SLC51A: variants seen among roughly 807,000 people sequenced by gnomAD.
SLC51A encodes organic solute transporter subunit alpha.
SLC51A carries 22 observed loss-of-function variants against 34.8 expected under a neutral mutation model. The observed-to-expected ratio is 0.63, with a 90% CI of 0.45 to 0.90. The LOEUF is 0.90. SLC51A is among the 40% of genes least tolerant of loss of function. The pLI, the probability that SLC51A is intolerant of heterozygous loss-of-function variation, is 0.00. For synonymous variants in SLC51A, 181 were observed against 176.3 expected (o/e 1.03, Z -0.21); for missense variants, 371 against 414.8 (o/e 0.89, Z 0.92).
rs1222823712 is a variant in SLC51A at position 196,216,641 on chromosome 3, G to A, written c.-72G>A. ...GGCCCAGGCAAGCCACCCTGCCCCC[G>A]GCCCCCACCTGCCCGCCCCGCCTGC... On this transcript the variant is annotated 5_prime_UTR_variant, in exon 1 of 9. Coordinates refer to ENST00000296327, the MANE Select transcript of SLC51A (RefSeq NM_152672.6). This position sits in a 1 kb window ranked among gnomAD's most constrained non-coding sequence, Gnocchi z 4.5. 1.5e-5 allele frequency: 11 copies of A among 753,794 alleles called. No individual in the cohort carries two copies. Among genetic ancestry groups the A allele is most frequent in the Middle Eastern group, 7.8e-4 (2 of 2,574 alleles). The allele number at this position is 753,794 out of a possible 1,614,324, so 46.7% of individuals were successfully genotyped here.
intron 3 of SLC51A, chr3:196,227,379 C>T (rs1224409898): frequency 3.4e-6 from 2 of 591,620 alleles, no homozygotes; most frequent in Non-Finnish European, 3.0e-6. Context: ...CTCCCCGCTA[C>T]AGTGTTGCCA....
Position 196,227,430 on chromosome 3 carries a change from A to T in SLC51A, c.289-234A>T. The T allele has an allele frequency of 1.5e-5, 9 of 593,430 alleles. 1 individual carries two copies. The South Asian group carries it at 1.8e-4, about 12-fold the overall frequency. 36.8% of individuals were successfully genotyped at this position (593,430 alleles called of 1,614,324 possible). On this transcript the variant is annotated intron_variant, in intron 3 of 8. Coordinates refer to ENST00000296327, the MANE Select transcript of SLC51A (RefSeq NM_152672.6). ...TCAGTGGTTCCTCAGAGTGTGGGGG[A>T]AAGTCTCATTCCACAGGGTCACACT...
rs371941033 is a variant in SLC51A, at chr3:196,228,313, G to A, written c.521+40G>A. ...AGGTGCCTTCCCCAGGAGCCGGGGA[G>A]CCTCTCCTGGACCCCTGGTCCCCTT... On this transcript the variant is annotated intron_variant, in intron 5 of 8. Transcript: ENST00000296327. The surrounding 1 kb of genome is among the most constrained non-coding windows in gnomAD (Gnocchi z 4.9). 6.1e-5 allele frequency: 96 copies of A among 1,585,124 alleles called. No homozygotes were observed. The highest frequency in any genetic ancestry group is 1.2e-4 in the Admixed American group (7 of 58,370).
At position 196,216,623 on chromosome 3, in the gene SLC51A, G is replaced by GC; in HGVS notation, c.-89dup. On this transcript the variant is annotated 5_prime_UTR_variant, in exon 1 of 9. Coordinates refer to ENST00000296327, the MANE Select transcript of SLC51A (RefSeq NM_152672.6). This position sits in a 1 kb window ranked among gnomAD's most constrained non-coding sequence, Gnocchi z 4.5. ...CTGCTTGCCCCCCACCCCGGCCCAG[G>GC]CAAGCCACCCTGCCCCCGGCCCCCA... The GC allele has an allele frequency of 7.2e-7, 1 of 1,380,246 alleles. No individual in the cohort carries two copies. Among genetic ancestry groups the GC allele is most frequent in the Non-Finnish European group, 1.0e-6 (1 of 997,210 alleles). 85.5% of individuals were successfully genotyped at this position (1,380,246 alleles called of 1,614,324 possible).
chr3:196,229,859 GA>G, intron 6 of SLC51A, 55 bp from the exon 7 acceptor site: 1 of 1,163,632 alleles, frequency 8.6e-7, no homozygotes, highest in Non-Finnish European at 1.2e-6. Context: ...TCTTGAAAGA[GA>G]GAGAGAGAGA....
At chr3:196,218,509 A>C (rs1723655563) in intron 2 of SLC51A, among the ~76,000 whole-genome samples, 1 of 152,170 alleles carries the variant, frequency 6.6e-6, no homozygotes, top group African/African-American at 2.4e-5. Context: ...AGGTGGACAG[A>C]TGGGATTCAA....
At position 196,216,784 on chromosome 3, in the gene SLC51A, T is replaced by C; in HGVS notation, c.38+34T>C. Reference sequence around the variant, plus strand: ...GGGCGGCGGGCCCTGGGCCAGTCGCTGGGCAGCGGTGGCCCCTATCCCGCG... The same window carrying C: ...GGGCGGCGGGCCCTGGGCCAGTCGCCGGGCAGCGGTGGCCCCTATCCCGCG... On this transcript the variant is annotated intron_variant, in intron 1 of 8. Coordinates refer to ENST00000296327, the MANE Select transcript of SLC51A (RefSeq NM_152672.6). The surrounding 1 kb of genome is among the most constrained non-coding windows in gnomAD (Gnocchi z 4.5). 6.4e-7 allele frequency: 1 copy of C among 1,552,926 alleles called. No individual in the cohort carries two copies. The highest frequency in any genetic ancestry group is 2.4e-5 in the East Asian group (1 of 41,516).
At position 196,227,127 on chromosome 3, in the gene SLC51A, C is replaced by G. The variant is rs1053285660; in HGVS notation, c.288+8C>G. 2 of 1,613,020 alleles carry G rather than the reference C, an allele frequency of 1.2e-6. No homozygotes were observed. Among genetic ancestry groups the G allele is most frequent in the Non-Finnish European group, 1.7e-6 (2 of 1,179,890 alleles). On this transcript the variant is annotated splice_region_variant and intron_variant, in intron 3 of 8. Transcript: ENST00000296327. Reference sequence around the variant, plus strand: ...AAGAGCTCGGCACCCACGGTGAGGCCCCCGGGGCTGCCCTGTGGGGGGAAC... The same window carrying G: ...AAGAGCTCGGCACCCACGGTGAGGCGCCCGGGGCTGCCCTGTGGGGGGAAC...
chr3:196,230,171 G>C lies in SLC51A; in HGVS notation c.780+110G>C, dbSNP rs1027252534. 1.3e-5 allele frequency: 13 copies of C among 1,032,392 alleles called. No homozygotes were observed. The African/African-American group carries it at 2.1e-4, about 17-fold the overall frequency. The allele number at this position is 1,032,392 out of a possible 1,614,324, so 64.0% of individuals were successfully genotyped here. A position where few individuals can be genotyped will look rare whatever the true frequency, so the allele number is the denominator to read the frequency against. On this transcript the variant is annotated intron_variant, in intron 7 of 8. Transcript: ENST00000296327. The stretch of plus-strand genomic sequence containing the variant: ...AGTGGGCCGGGAATCTTTTTCATAA[G>C]CCTCACGTCTCTCATGAGATTTGGA...
At chr3:196,227,561 C>A in intron 3 of SLC51A, 103 bp from the exon 4 acceptor site, 1 of 956,554 alleles carries the variant, frequency 1.0e-6, no homozygotes, top group Non-Finnish European at 1.7e-6. Flanking sequence ...AGGAACGCTG[C>A]CTCGAATGTG....
At chr3:196,220,385 T>C (rs1344095831) in intron 2 of SLC51A, among the ~76,000 whole-genome samples, 1 of 152,102 alleles carries the variant, frequency 6.6e-6, no homozygotes, top group Non-Finnish European at 1.5e-5. Context: ...TCATCTGCGG[T>C]CAAGAGTTCA....
Position 196,219,760 on chromosome 3 carries a change from G to A in SLC51A, c.133+1824G>A, listed in dbSNP as rs564412317. Among the ~76,000 whole-genome samples, 12 of 152,340 alleles carry A rather than the reference G, an allele frequency of 7.9e-5. 1 individual carries two copies. Among genetic ancestry groups the A allele is most frequent in the African/African-American group, 2.6e-4 (11 of 41,574 alleles). ...CACTGGAAGGTGCTACTGGCATCTC[G>A]TGGTCAGAGGCCAGGAAAGCTGCTA... On this transcript the variant is annotated intron_variant, in intron 2 of 8. Coordinates refer to ENST00000296327, the MANE Select transcript of SLC51A (RefSeq NM_152672.6).
intron 7 of SLC51A, among the ~76,000 whole-genome samples, chr3:196,230,420 C>G (rs1724003638): frequency 6.6e-6 from 1 of 152,150 alleles, no homozygotes; most frequent in Admixed American, 6.5e-5. Context: ...GCCAGCAGTC[C>G]TGGACCATCC....
At chr3:196,222,678 C>A (rs1193605819) in intron 2 of SLC51A, among the ~76,000 whole-genome samples, 1 of 151,164 alleles carries the variant, frequency 6.6e-6, no homozygotes, top group African/African-American at 2.4e-5. Context: ...GCGTTCTAGA[C>A]CCTCCTTTTG....
chr3:196,225,977 G>T (rs75747567), intron 2 of SLC51A, among the ~76,000 whole-genome samples: 1 of 152,166 alleles, frequency 6.6e-6, no homozygotes, highest in Non-Finnish European at 1.5e-5. Flanking sequence ...GCCAGCGTGC[G>T]TCAGGTGTCC....
intron 2 of SLC51A, chr3:196,224,073 G>C: frequency 3.9e-6 from 1 of 254,650 alleles, no homozygotes; most frequent in South Asian, 3.6e-5. Flanking sequence ...TGGCCAGGCT[G>C]GTCTCAAATT....
Position 196,228,002 on chromosome 3 carries a change from TCA to T in SLC51A, c.363-107_363-106del, listed in dbSNP as rs2108756172. ...TCTCCTCTCCCTCGCCCCTCTTGGG[TCA>T]CACACCCAGAACGCCCAGCCCTAGC... On this transcript the variant is annotated intron_variant, in intron 4 of 8. Coordinates refer to ENST00000296327, the MANE Select transcript of SLC51A (RefSeq NM_152672.6). The surrounding 1 kb of genome is among the most constrained non-coding windows in gnomAD (Gnocchi z 4.9). 1.4e-6 allele frequency: 2 copies of T among 1,421,634 alleles called. No individual in the cohort carries two copies. Among genetic ancestry groups the T allele is most frequent in the Non-Finnish European group, 1.9e-6 (2 of 1,040,984 alleles). 88.1% of individuals were successfully genotyped at this position (1,421,634 alleles called of 1,614,324 possible).
chr3:196,226,861 G>T (rs1043260630), intron 2 of SLC51A, 104 bp from the exon 3 acceptor site: 12 of 1,118,282 alleles, frequency 1.1e-5, no homozygotes, highest in Non-Finnish European at 1.3e-5. Flanking sequence ...TCCTGTGCAC[G>T]GGTGGGAGCC....
chr3:196,217,331 C>T (rs1338908187), intron 1 of SLC51A, among the ~76,000 whole-genome samples: 2 of 152,252 alleles, frequency 1.3e-5, no homozygotes. Flanking sequence ...TCCTGGAGTT[C>T]GAGACCAGTG....
Sources: gnomAD v4.1 joint callset for allele counts (sites outside exome capture counted in the v4.1 genomes callset) on GRCh38, gnomAD v4.1.1 for gene constraint, Gnocchi (gnomAD v3.1) non-coding constraint, MANE v1.5 for transcripts, NCBI Gene and HGNC (gene_info 2026-07-23, HGNC 2026-07-21) for gene names.